Variants in ZC3H12B observed in about 807,000 individuals in gnomAD.
The protein encoded by ZC3H12B is zinc finger CCCH-type containing 12B, also known as probable ribonuclease ZC3H12B.
A neutral mutation model predicts 43.9 loss-of-function variants in ZC3H12B; 7 were observed. That is an observed-to-expected ratio of 0.16 (90% CI 0.09 to 0.30). The LOEUF is 0.30. Ranked by LOEUF, ZC3H12B falls within the 10% of genes least tolerant of loss-of-function variation. ZC3H12B has a pLI of 1.00. For missense variants in ZC3H12B, 475 were observed against 670.2 expected, an observed-to-expected ratio of 0.71 and a Z score of 3.22; for synonymous variants, 222 against 241.7, an observed-to-expected ratio of 0.92 and a Z score of 0.76.
At chrX:65,170,696 C>A in the ZC3H12B span, among the ~76,000 whole-genome samples, 1 of 111,743 alleles carries the variant, frequency 8.9e-6, no homozygotes, top group African/African-American at 3.3e-5. Context: ...TTGGTCTTTT[C>A]ACATAGTCCC....
chrX:65,089,434 A>G, the ZC3H12B span, among the ~76,000 whole-genome samples: 196 of 112,027 alleles, frequency 1.7e-3, 1 homozygote, highest in African/African-American at 6.0e-3. Flanking sequence ...TGTATAGGAT[A>G]CCTACCATGA....
the ZC3H12B span, among the ~76,000 whole-genome samples, chrX:65,113,117 C>T: frequency 9.0e-6 from 1 of 110,960 alleles, no homozygotes; most frequent in African/African-American, 3.3e-5. Context: ...GTGGAGGAAG[C>T]CACTGTTGAT....
At chrX:65,460,031 T>C (rs1371418146) in intron 3 of ZC3H12B, among the ~76,000 whole-genome samples, 4 of 112,020 alleles carry the variant, frequency 3.6e-5, no homozygotes, top group African/African-American at 1.3e-4. Flanking sequence ...AAAATCAATG[T>C]ATGAAAATCA....
chrX:65,452,524 A>G (rs942340016), intron 3 of ZC3H12B, among the ~76,000 whole-genome samples: 43 of 111,522 alleles, frequency 3.9e-4, no homozygotes, highest in Admixed American at 1.0e-3. Context: ...GCTGATAGAA[A>G]TCATAGATGA....
At chrX:65,221,697 T>TA in the ZC3H12B span, among the ~76,000 whole-genome samples, 214 of 108,692 alleles carry the variant, frequency 2.0e-3, 1 homozygote, top group African/African-American at 3.4e-3. Flanking sequence ...AAATTTTAAT[T>TA]AAAAAAAAAT....
intron 3 of ZC3H12B, among the ~76,000 whole-genome samples, chrX:65,475,793 C>T (rs2067984502): frequency 8.9e-6 from 1 of 111,889 alleles, no homozygotes; most frequent in African/African-American, 3.3e-5. Context: ...CTTTACAAAA[C>T]CATCAGATCT....
rs143597625 is a variant in ZC3H12B, at chrX:65,481,654, T to G, written n.408-6992T>G. On this transcript the variant is annotated intron_variant and non_coding_transcript_variant, in intron 3 of 5. Transcript: ENST00000617377. ...ATTTAATATAACAATAATGCATTAT[T>G]AAGCATTCCTTGTTCTGAAAGCCTC... Among the ~76,000 whole-genome samples, 13 of 112,057 alleles carry G rather than the reference T, an allele frequency of 1.2e-4. No individual in the cohort carries two copies. The East Asian group carries it at 3.6e-3, about 31-fold the overall frequency.
Position 65,432,426 on chromosome X carries a change from C to G in ZC3H12B, n.407+33722C>G, listed in dbSNP as rs753857838. 2.7e-5 allele frequency among the ~76,000 whole-genome samples: 3 copies of G among 111,692 alleles called. No individual in the cohort carries two copies. The Admixed American group carries it at 2.9e-4, about 11-fold the overall frequency. The stretch of plus-strand genomic sequence containing the variant: ...TGCACAGCAAATCATGTATAACAGC[C>G]TGCCACATACTCCAAACAGCATCTC... On this transcript the variant is annotated intron_variant and non_coding_transcript_variant, in intron 3 of 5. Coordinates refer to the ZC3H12B transcript ENST00000617377.
the ZC3H12B span, among the ~76,000 whole-genome samples, chrX:65,114,070 A>G: frequency 1.1e-5 from 1 of 93,221 alleles, no homozygotes; most frequent in Non-Finnish European, 2.1e-5. Flanking sequence ...TGATTTTTGT[A>G]TGTTTGAATA....
chrX:65,057,478 G>T, the ZC3H12B span, among the ~76,000 whole-genome samples: 13 of 111,797 alleles, frequency 1.2e-4, no homozygotes, highest in Non-Finnish European at 2.4e-4. Flanking sequence ...GCTTCCCTTT[G>T]TGGGTAACCC....
chrX:65,406,164 C>G (rs1250671360), intron 3 of ZC3H12B, among the ~76,000 whole-genome samples: 3 of 110,464 alleles, frequency 2.7e-5, no homozygotes. Flanking sequence ...TACCCTGAAA[C>G]CAAAACCAGA....
chrX:65,115,381 TTTCA>T, the ZC3H12B span, among the ~76,000 whole-genome samples: 1 of 110,182 alleles, frequency 9.1e-6, no homozygotes, highest in South Asian at 3.7e-4. Flanking sequence ...AATGCCATTA[TTTCA>T]TTCATTTTTT....
chrX:65,264,583 G>C, the ZC3H12B span, among the ~76,000 whole-genome samples: 1 of 111,582 alleles, frequency 9.0e-6, no homozygotes, highest in Non-Finnish European at 1.9e-5. Context: ...ACATCTTATA[G>C]CTCATTGCCT....
At chrX:65,306,434 G>A in the ZC3H12B span, among the ~76,000 whole-genome samples, 1 of 111,643 alleles carries the variant, frequency 9.0e-6, no homozygotes, top group Non-Finnish European at 1.9e-5. Flanking sequence ...GTGCAGTGGT[G>A]TGATCTCGGC....
the ZC3H12B span, among the ~76,000 whole-genome samples, chrX:65,238,089 C>T: frequency 1.8e-5 from 2 of 111,252 alleles, no homozygotes; most frequent in South Asian, 3.8e-4. Context: ...AAGAGTCCCT[C>T]CTCAATTTTT....
At chrX:65,098,930 C>G in the ZC3H12B span, among the ~76,000 whole-genome samples, 1 of 111,042 alleles carries the variant, frequency 9.0e-6, no homozygotes, top group East Asian at 2.9e-4. Flanking sequence ...GCTACATGGT[C>G]TCACTCAGCA....
At chrX:65,051,576 A>T in the ZC3H12B span, among the ~76,000 whole-genome samples, 1 of 112,070 alleles carries the variant, frequency 8.9e-6, no homozygotes, top group African/African-American at 3.2e-5. Context: ...TTTAAAAAGC[A>T]TATGAACAAA....
intron 3 of ZC3H12B, among the ~76,000 whole-genome samples, chrX:65,419,751 C>T (rs1171262790): frequency 9.1e-6 from 1 of 110,227 alleles, no homozygotes; most frequent in Admixed American, 9.6e-5. Flanking sequence ...AAGATTGGCA[C>T]CCATGGATCT....
the ZC3H12B span, among the ~76,000 whole-genome samples, chrX:65,330,476 T>C: frequency 9.0e-6 from 1 of 111,502 alleles, no homozygotes. Flanking sequence ...CGTCCCTGTC[T>C]TGTGCCAATT....
Sources: allele counts gnomAD v4.1 joint callset (sites outside exome capture counted in the v4.1 genomes callset), GRCh38; gene constraint gnomAD v4.1.1; transcripts MANE v1.5; gene names NCBI Gene and HGNC (gene_info 2026-07-23, HGNC 2026-07-21).